ENTPD5: variants seen among roughly 807,000 people sequenced by gnomAD.
ENTPD5 encodes ectonucleoside triphosphate diphosphohydrolase 5 (inactive).
ENTPD5 carries 49 observed loss-of-function variants against 60.2 expected under a neutral mutation model. That is an observed-to-expected ratio of 0.81 (90% CI 0.65 to 1.03). The LOEUF is 1.03. Ranked by LOEUF, ENTPD5 falls within the 50% of genes least tolerant of loss-of-function variation. ENTPD5 has a pLI of 0.00. For synonymous variants in ENTPD5, 187 were observed against 185.4 expected, an observed-to-expected ratio of 1.01 and a Z score of -0.07; for missense variants, 480 against 507.6, an observed-to-expected ratio of 0.95 and a Z score of 0.52.
downstream of ENTPD5, chr14:73,959,419 C>T (rs773056960): frequency 1.2e-6 from 2 of 1,614,180 alleles, no homozygotes; most frequent in Admixed American, 3.3e-5. Flanking sequence ...ACACAGCTCT[C>T]AGACACCTTG....
At position 73,988,691 on chromosome 14, in the gene ENTPD5, C is replaced by T. The variant is rs546873060; in HGVS notation, c.-70-519G>A. ...CTCCACACCCCACTAGCCTTCCCAG[C>T]CCCTCTGGTAACTGTCATTCTATTC... On this transcript the variant is annotated intron_variant, in intron 3 of 15. Transcript: ENST00000334696. 8.5e-5 allele frequency among the ~76,000 whole-genome samples: 13 copies of T among 152,338 alleles called. No individual in the cohort carries two copies. The South Asian group carries it at 2.7e-3, about 32-fold the overall frequency.
intron 6 of ENTPD5, among the ~76,000 whole-genome samples, chr14:73,979,472 C>CTTTTT (rs535777164): frequency 7.3e-6 from 1 of 137,680 alleles, no homozygotes; most frequent in African/African-American, 2.7e-5. Context: ...ATAGTAAGCA[C>CTTTTT]TTTTTTTTTT....
intron 2 of ENTPD5, among the ~76,000 whole-genome samples, chr14:74,014,883 C>T (rs914037558): frequency 2.6e-5 from 4 of 152,022 alleles, no homozygotes; most frequent in Admixed American, 1.3e-4. Flanking sequence ...AGTTCAAGAC[C>T]GGCCTGGCCA....
chr14:73,995,792 T>TTTAA (rs1566751898), intron 3 of ENTPD5, among the ~76,000 whole-genome samples: 1 of 152,022 alleles, frequency 6.6e-6, no homozygotes, highest in African/African-American at 2.4e-5. Flanking sequence ...ACTAGGGAGG[T>TTTAA]ATGTATACGT....
At chr14:73,959,185 G>A (rs2056586289), downstream of ENTPD5, 3 of 1,614,066 alleles carry the variant, frequency 1.9e-6, no homozygotes, top group African/African-American at 2.7e-5. Context: ...ACGTAGCCTG[G>A]CAGAGATTTC....
chr14:73,962,700 AG>A, downstream of ENTPD5: 1 of 403,926 alleles, frequency 2.5e-6, no homozygotes, highest in Admixed American at 5.3e-5. Context: ...CTGTAATCCC[AG>A]CACTTTATAG....
chr14:73,991,059 G>C (rs1337069717), intron 3 of ENTPD5, among the ~76,000 whole-genome samples: 1 of 152,016 alleles, frequency 6.6e-6, no homozygotes, highest in African/African-American at 2.4e-5. Flanking sequence ...AAATCACTTG[G>C]TAGTGTTGAA....
intron 3 of ENTPD5, among the ~76,000 whole-genome samples, chr14:74,001,544 T>G (rs1337786852): frequency 6.6e-6 from 1 of 151,194 alleles, no homozygotes; most frequent in Non-Finnish European, 1.5e-5. Flanking sequence ...GGCGGGCACC[T>G]GTAGTCCGAG....
chr14:73,980,812 G>A (rs1353569535), intron 6 of ENTPD5, among the ~76,000 whole-genome samples: 4 of 152,082 alleles, frequency 2.6e-5, no homozygotes, highest in African/African-American at 9.7e-5. Context: ...AAAATACTGA[G>A]TTTGGCTGGG....
chr14:73,984,983 A>T (rs2057841601), intron 5 of ENTPD5, among the ~76,000 whole-genome samples: 1 of 152,156 alleles, frequency 6.6e-6, no homozygotes, highest in African/African-American at 2.4e-5. Flanking sequence ...GAGTGAGAAC[A>T]TGCGGTGTTT....
At chr14:73,977,979 T>C (rs188162002) in intron 6 of ENTPD5, among the ~76,000 whole-genome samples, 4 of 152,300 alleles carry the variant, frequency 2.6e-5, no homozygotes, top group Admixed American at 6.5e-5. Flanking sequence ...TGGGTGTTAA[T>C]GTCTTATGTT....
rs767461897 is a variant in ENTPD5, at chr14:73,963,521, ATTAC to A, written c.*3403_*3406del. The A allele has an allele frequency of 2.9e-4, 49 of 166,918 alleles. No individual in the cohort carries two copies. The highest frequency in any genetic ancestry group is 1.0e-4 in the Non-Finnish European group (8 of 77,966). The allele number at this position is 166,918 out of a possible 1,614,324, so 10.3% of individuals were successfully genotyped here. A position where few individuals can be genotyped will look rare whatever the true frequency, so the allele number is the denominator to read the frequency against. ...AAACCAGGTCTCATTAATGCTAGTT[ATTAC>A]TTTATCACAGCACCAGATTTCCATT... On this transcript the variant is annotated 3_prime_UTR_variant, in exon 16 of 16. Coordinates refer to ENST00000334696, the MANE Select transcript of ENTPD5 (RefSeq NM_001249.5).
intron 5 of ENTPD5, 52 bp from the exon 6 acceptor site, chr14:73,983,213 C>T (rs1434314649): frequency 1.9e-6 from 3 of 1,565,972 alleles, no homozygotes; most frequent in Non-Finnish European, 2.6e-6. Flanking sequence ...TAGTGGCTGG[C>T]ACTGGTCTAT....
At position 73,986,882 on chromosome 14, in the gene ENTPD5, T is replaced by C. The variant is rs769939996; in HGVS notation, c.229A>G (p.Ile77Val). 1.7e-5 allele frequency: 27 copies of C among 1,613,932 alleles called. No individual in the cohort carries two copies. Among genetic ancestry groups the C allele is most frequent in the South Asian group, 1.2e-4 (11 of 91,084 alleles). Residue 77 changes from isoleucine (I) to valine (V), a missense_variant, in exon 5 of 16, where the codon ATT (isoleucine) becomes GTT (valine). By Grantham distance (29) the Ile-to-Val change is conservative. Transcript: ENST00000334696. ...GAATCAAAAACTTCCCCTTCTAGAA[T>C]TGGAAGCTGTCCTATTTTGTCCATG... ...FVQKMPGQLPILEGEVFDSVK... is the reference protein window; with the variant it reads ...FVQKMPGQLPVLEGEVFDSVK...
chr14:73,976,216 C>T, intron 9 of ENTPD5, 108 bp downstream of exon 9: 1 of 985,214 alleles, frequency 1.0e-6, no homozygotes, highest in Non-Finnish European at 1.6e-6. Context: ...TGACTTGACT[C>T]TGCCTAAGCG....
chr14:73,995,426 T>C (rs984203718), intron 3 of ENTPD5, among the ~76,000 whole-genome samples: 4 of 151,916 alleles, frequency 2.6e-5, no homozygotes, highest in South Asian at 4.2e-4. Flanking sequence ...ACAGTAGATG[T>C]TGAATGAATA....
Position 73,965,397 on chromosome 14 carries a change from C to T in ENTPD5, c.*1531G>A, listed in dbSNP as rs1188513507. On this transcript the variant is annotated 3_prime_UTR_variant, in exon 16 of 16. Coordinates refer to ENST00000334696, the MANE Select transcript of ENTPD5 (RefSeq NM_001249.5). ...GGGAGATCTTCCAGGTCCAAGAGCA[C>T]TGCAGGGCAGATGAGAAGCAGGGAT... is the stretch of plus-strand genomic sequence containing the variant. The T allele has an allele frequency of 6.6e-6, 1 of 152,228 alleles. No individual in the cohort carries two copies. The highest frequency in any genetic ancestry group is 2.4e-5 in the African/African-American group (1 of 41,440). The allele number at this position is 152,228 out of a possible 1,614,324, so 9.4% of individuals were successfully genotyped here. A position where few individuals can be genotyped will look rare whatever the true frequency, so the allele number is the denominator to read the frequency against.
chr14:73,993,545 C>G (rs536476915), intron 3 of ENTPD5, among the ~76,000 whole-genome samples: 3 of 152,178 alleles, frequency 2.0e-5, no homozygotes, highest in Non-Finnish European at 4.4e-5. Flanking sequence ...ACCACTGATA[C>G]AGGATAGCTG....
rs192479842 is a variant in ENTPD5 at position 73,972,014 on chromosome 14, C to A, written c.1028-106G>T. ...ACACATGTACATAATGTAATCTATG[C>A]AACCTAATTTACTTATTTACAATCT... On this transcript the variant is annotated intron_variant, in intron 13 of 15. Coordinates refer to ENST00000334696, the MANE Select transcript of ENTPD5 (RefSeq NM_001249.5). 226 of 749,874 alleles carry A rather than the reference C, an allele frequency of 3.0e-4. No individual in the cohort carries two copies. In the African/African-American group the frequency reaches 3.3e-3, roughly 11 times the overall value. 46.5% of individuals were successfully genotyped at this position (749,874 alleles called of 1,614,324 possible). A position where few individuals can be genotyped will look rare whatever the true frequency, so the allele number is the denominator to read the frequency against.
Sources: gnomAD v4.1 joint callset for allele counts (sites outside exome capture counted in the v4.1 genomes callset) on GRCh38, gnomAD v4.1.1 for gene constraint, MANE v1.5 for transcripts, NCBI Gene and HGNC (gene_info 2026-07-23, HGNC 2026-07-21) for gene names.